The following CAMTA1 variants were observed in gnomAD, a reference collection of about 807,000 sequenced individuals.
The protein encoded by CAMTA1 is calmodulin-binding transcription activator 1.
A neutral mutation model predicts 170.9 loss-of-function variants in CAMTA1; 27 were observed. The observed-to-expected ratio is 0.16, with a 90% confidence interval of 0.12 to 0.22. The LOEUF is 0.22. CAMTA1 is among the 10% of genes least tolerant of loss of function. The probability of loss-of-function intolerance (pLI) is 1.00; values close to 1 mark genes in which losing one functional copy is unlikely to be tolerated. For missense variants in CAMTA1, 1,619 were observed against 2,217.2 expected, an observed-to-expected ratio of 0.73 and a Z score of 5.42; for synonymous variants, 833 against 891.5, an observed-to-expected ratio of 0.93 and a Z score of 1.17.
chr1:7,069,880 T>G lies in CAMTA1; in HGVS notation c.235-21424T>G, dbSNP rs114042764. The stretch of plus-strand genomic sequence containing the variant: ...AAACAGTATTAACCACAGGCCCAAA[T>G]TGCACCTATATTTTAAAAAGCATTG... On this transcript the variant is annotated intron_variant, in intron 3 of 22. Transcript: ENST00000303635. 5.2e-3 allele frequency among the ~76,000 whole-genome samples: 795 copies of G among 152,324 alleles called. 10 individuals carry two copies. The highest frequency in any genetic ancestry group is 0.018 in the African/African-American group (747 of 41,568).
intron 4 of CAMTA1, among the ~76,000 whole-genome samples, chr1:7,118,206 G>A (rs1271557284): frequency 6.6e-6 from 1 of 151,970 alleles, no homozygotes; most frequent in Non-Finnish European, 1.5e-5. Context: ...CTTGTCACCT[G>A]AGGGCATTGC....
chr1:7,244,146 A>G (rs1480038112), intron 4 of CAMTA1, among the ~76,000 whole-genome samples: 1 of 152,240 alleles, frequency 6.6e-6, no homozygotes, highest in Non-Finnish European at 1.5e-5. Context: ...AAAAATGCTC[A>G]TCATCACTGG....
chr1:7,746,073 A>G lies in CAMTA1; in HGVS notation c.4599A>G (p.Thr1533=). ...ATGAGGCTGCCAGGCTTGTCCAGAC[A>G]GCTTTCCGGAAATACAAGGTAAACT... is the stretch of plus-strand genomic sequence containing the variant. The part of the protein sequence containing the change: ...ELYEAARLVQ[T]AFRKYKGRPL... The change falls in exon 18 of 23, where the codon ACA becomes ACG. Residue 1533 remains threonine, a synonymous_variant. Coordinates refer to ENST00000303635, the MANE Select transcript of CAMTA1 (RefSeq NM_015215.4). 1 of 1,614,146 alleles carries G rather than the reference A, an allele frequency of 6.2e-7. No individual in the cohort carries two copies.
rs542922525 is a variant in CAMTA1, at chr1:7,587,930, C to G, written c.511-52470C>G. 1.4e-4 allele frequency among the ~76,000 whole-genome samples: 21 copies of G among 152,266 alleles called. 1 individual carries two copies. Among genetic ancestry groups the G allele is most frequent in the African/African-American group, 5.1e-4 (21 of 41,490 alleles). ...AAACGTAAAGCACCGGGTACCTCCC[C>G]AGAACCCGCCTCCCTCGGCCCAGAT... is the stretch of plus-strand genomic sequence containing the variant. On this transcript the variant is annotated intron_variant, in intron 6 of 22. Transcript: ENST00000303635.
intron 3 of CAMTA1, among the ~76,000 whole-genome samples, chr1:7,058,203 G>A (rs1172330355): frequency 6.6e-6 from 1 of 152,170 alleles, no homozygotes; most frequent in Non-Finnish European, 1.5e-5. Flanking sequence ...TCCAGGACAC[G>A]ATTCTCCTGC....
chr1:6,928,727 C>T (rs931417652), intron 3 of CAMTA1, among the ~76,000 whole-genome samples: 1 of 152,186 alleles, frequency 6.6e-6, no homozygotes, highest in Non-Finnish European at 1.5e-5. Flanking sequence ...TTATCAGGCC[C>T]GTCCTTGGCT....
intron 3 of CAMTA1, among the ~76,000 whole-genome samples, chr1:6,885,848 G>T (rs944002449): frequency 4.6e-5 from 7 of 151,974 alleles, no homozygotes; most frequent in Non-Finnish European, 8.8e-5. Flanking sequence ...GTTCCTACTT[G>T]CTGTTCCCTT....
chr1:6,982,777 G>A (rs10128029), intron 3 of CAMTA1, among the ~76,000 whole-genome samples: 24,232 of 147,718 alleles, frequency 0.16, 2,208 homozygotes, highest in African/African-American at 0.24. Flanking sequence ...CCCTCTGTGC[G>A]TAGTGGCTCT....
At chr1:6,981,727 T>C (rs139495832) in intron 3 of CAMTA1, among the ~76,000 whole-genome samples, 2 of 152,136 alleles carry the variant, frequency 1.3e-5, no homozygotes, top group Non-Finnish European at 2.9e-5. Flanking sequence ...TGAGCCACCA[T>C]GCCTGGCCTA....
chr1:7,319,832 G>A (rs919668771), intron 5 of CAMTA1, among the ~76,000 whole-genome samples: 1 of 151,896 alleles, frequency 6.6e-6, no homozygotes, highest in South Asian at 2.1e-4. Context: ...TTCCCAAAGA[G>A]TGGATGTTTT....
intron 3 of CAMTA1, among the ~76,000 whole-genome samples, chr1:6,917,213 A>G (rs1267126178): frequency 6.6e-6 from 1 of 152,108 alleles, no homozygotes; most frequent in Non-Finnish European, 1.5e-5. Flanking sequence ...ATGACACTGG[A>G]GGAAGCCAGA....
intron 6 of CAMTA1, among the ~76,000 whole-genome samples, chr1:7,600,052 A>C (rs2095428321): frequency 6.6e-6 from 1 of 152,324 alleles, no homozygotes; most frequent in African/African-American, 2.4e-5. Context: ...GTTTTTGCCC[A>C]TTCAGTATGT....
chr1:7,193,099 C>G (rs1654855369), intron 4 of CAMTA1, among the ~76,000 whole-genome samples: 1 of 152,088 alleles, frequency 6.6e-6, no homozygotes, highest in Non-Finnish European at 1.5e-5. Context: ...ACCTGTAATC[C>G]CAGCACTTTG....
chr1:7,267,022 G>A (rs1384284658), intron 5 of CAMTA1, among the ~76,000 whole-genome samples: 2 of 152,186 alleles, frequency 1.3e-5, no homozygotes, highest in African/African-American at 2.4e-5. Context: ...GGAGGTTCTG[G>A]ACAGGTAACT....
intron 3 of CAMTA1, among the ~76,000 whole-genome samples, chr1:6,958,914 C>A (rs1484163803): frequency 9.2e-5 from 14 of 152,100 alleles, no homozygotes; most frequent in Non-Finnish European, 7.3e-5. Flanking sequence ...GCAGGCTTCG[C>A]ACACGTAATG....
At chr1:7,607,128 G>A (rs1374689920) in intron 6 of CAMTA1, among the ~76,000 whole-genome samples, 1 of 151,068 alleles carries the variant, frequency 6.6e-6, no homozygotes, top group African/African-American at 2.4e-5. Context: ...AGGATGGATG[G>A]ATGGATGGAT....
In CAMTA1 at chr1:7,665,725, AG is replaced by A. The variant is rs765791654; in HGVS notation, c.2652+527del. Among the ~76,000 whole-genome samples, 6 of 152,004 alleles carry A rather than the reference AG, an allele frequency of 3.9e-5. No homozygotes were observed. The highest frequency in any genetic ancestry group is 8.8e-5 in the Non-Finnish European group (6 of 68,002). On this transcript the variant is annotated intron_variant, in intron 9 of 22. Coordinates refer to ENST00000303635, the MANE Select transcript of CAMTA1 (RefSeq NM_015215.4). This position sits in a 1 kb window ranked among gnomAD's most constrained non-coding sequence, Gnocchi z 4.3. Reference sequence around the variant, plus strand: ...GTGAAACCCTGTCTCAAAAAAAAAGAGAGAAAGTCAGGGTATCCTTGGAAGC... The same window carrying A: ...GTGAAACCCTGTCTCAAAAAAAAAGAAGAAAGTCAGGGTATCCTTGGAAGC...
chr1:6,906,528 G>T (rs1274704827), intron 3 of CAMTA1, among the ~76,000 whole-genome samples: 1 of 152,172 alleles, frequency 6.6e-6, no homozygotes, highest in Non-Finnish European at 1.5e-5. Context: ...GCAATGGCGG[G>T]AGATGTGCCA....
intron 11 of CAMTA1, among the ~76,000 whole-genome samples, chr1:7,689,649 G>A (rs931072465): frequency 8.5e-5 from 13 of 152,212 alleles, no homozygotes; most frequent in Non-Finnish European, 1.9e-4. Context: ...TTGTTCAGGA[G>A]TTGGAACTTG....
Sources: gnomAD v4.1 joint callset for allele counts (sites outside exome capture counted in the v4.1 genomes callset) on GRCh38, gnomAD v4.1.1 for gene constraint, Gnocchi (gnomAD v3.1) non-coding constraint, MANE v1.5 for transcripts, NCBI Gene and HGNC (gene_info 2026-07-23, HGNC 2026-07-21) for gene names.